Variants in RALGAPB observed in about 807,000 individuals in gnomAD.
RALGAPB encodes the protein Ral GTPase activating protein non-catalytic subunit beta.
Under a neutral mutation model 161.1 loss-of-function variants are expected in RALGAPB, and 25 were observed. That is an observed-to-expected ratio of 0.16 (90% CI 0.11 to 0.22). The LOEUF (loss-of-function observed/expected upper bound fraction) is 0.22, where lower values mean the gene tolerates loss of function less well. RALGAPB is among the 10% of genes least tolerant of loss of function. The pLI is 1.00. For missense variants in RALGAPB, 1,391 were observed against 1,815.2 expected (o/e 0.77, Z 4.25); for synonymous variants, 629 against 626.1 (o/e 1.00, Z -0.07).
intron 20 of RALGAPB, among the ~76,000 whole-genome samples, chr20:38,549,097 A>G (rs1315559774): frequency 6.6e-6 from 1 of 152,216 alleles, no homozygotes; most frequent in Non-Finnish European, 1.5e-5. Context: ...TTACAAATGT[A>G]ATAAAAGTCA....
At chr20:38,534,138 CAAAAAAAA>C (rs1293283790) in intron 15 of RALGAPB, among the ~76,000 whole-genome samples, 2 of 46,974 alleles carry the variant, frequency 4.3e-5, no homozygotes, top group Non-Finnish European at 9.4e-5. Flanking sequence ...GACTCCATCT[CAAAAAAAA>C]AAAAAAAAAA....
chr20:38,546,606 A>G, intron 19 of RALGAPB, 176 bp downstream of exon 19: 1 of 726,006 alleles, frequency 1.4e-6, no homozygotes, highest in Non-Finnish European at 2.2e-6. Flanking sequence ...GAATATACAT[A>G]TTACATAGAG....
chr20:38,541,031 C>T lies in RALGAPB; in HGVS notation c.2563-10C>T. 7 of 1,611,584 alleles carry T rather than the reference C, an allele frequency of 4.3e-6. No individual in the cohort carries two copies. Among genetic ancestry groups the T allele is most frequent in the Non-Finnish European group, 5.9e-6 (7 of 1,178,562 alleles). ...TGTTCTAAAAATTGATCTGCCTTTCCTGCTTTTAGGACTGCCTTAAGGAAG... is the reference window on the plus strand; with the variant it reads ...TGTTCTAAAAATTGATCTGCCTTTCTTGCTTTTAGGACTGCCTTAAGGAAG... On this transcript the variant is annotated splice_polypyrimidine_tract_variant and intron_variant, in intron 17 of 29. Coordinates refer to ENST00000262879, the MANE Select transcript of RALGAPB (RefSeq NM_020336.4).
chr20:38,499,762 C>T (rs1422737711), intron 5 of RALGAPB, 129 bp downstream of exon 5: 1 of 798,672 alleles, frequency 1.3e-6, no homozygotes, highest in Non-Finnish European at 1.8e-6. Context: ...AATTGAGCCA[C>T]TTTTTAAATA....
intron 10 of RALGAPB, among the ~76,000 whole-genome samples, chr20:38,524,380 A>T (rs1195506529): frequency 6.6e-6 from 1 of 152,156 alleles, no homozygotes; most frequent in Non-Finnish European, 1.5e-5. Flanking sequence ...CCCCCAGTTT[A>T]TTGAAAAGTA....
At position 38,535,151 on chromosome 20, in the gene RALGAPB, C is replaced by A; in HGVS notation, c.2323C>A (p.Arg775Ser). Reference protein sequence around the residue: ...LVTQRLNSQWRQDMSISLAAL... With the variant: ...LVTQRLNSQWSQDMSISLAAL... ...CACCCAAAGACTCAACTCCCAGTGGCGCCAAGACATGAGCATATCACTGGC... is the reference window on the plus strand; with the variant it reads ...CACCCAAAGACTCAACTCCCAGTGGAGCCAAGACATGAGCATATCACTGGC... Residue 775 changes from arginine to serine, a missense_variant, in exon 16 of 30, where the codon CGC becomes AGC. Transcript: ENST00000262879. 6 of 1,614,058 alleles carry A rather than the reference C, an allele frequency of 3.7e-6. No individual in the cohort carries two copies. Among genetic ancestry groups the A allele is most frequent in the Non-Finnish European group, 5.1e-6 (6 of 1,179,902 alleles).
chr20:38,537,857 G>C (rs780433382), intron 16 of RALGAPB: 2 of 152,198 alleles, frequency 1.3e-5, no homozygotes, highest in Non-Finnish European at 2.9e-5. Flanking sequence ...TGACTACTCT[G>C]GAGCTGAGGT....
At chr20:38,475,244 A>C (rs1484535356) in intron 1 of RALGAPB, among the ~76,000 whole-genome samples, 1 of 152,258 alleles carries the variant, frequency 6.6e-6, no homozygotes, top group Non-Finnish European at 1.5e-5. Context: ...GGTAAATACA[A>C]GCAGATGGGA....
intron 5 of RALGAPB, among the ~76,000 whole-genome samples, chr20:38,504,198 G>A (rs1157613202): frequency 6.6e-6 from 1 of 152,198 alleles, no homozygotes; most frequent in Non-Finnish European, 1.5e-5. Flanking sequence ...GAGGGCTACA[G>A]TCACCAAAAC....
intron 22 of RALGAPB, among the ~76,000 whole-genome samples, chr20:38,556,766 C>T (rs1002282287): frequency 5.3e-5 from 8 of 152,070 alleles, no homozygotes; most frequent in Non-Finnish European, 8.8e-5. Context: ...ACATTCTGAT[C>T]TACAAGGTGT....
chr20:38,483,916 C>T (rs1047597186), intron 1 of RALGAPB, among the ~76,000 whole-genome samples: 3 of 152,060 alleles, frequency 2.0e-5, no homozygotes, highest in Admixed American at 2.0e-4. Context: ...GCTGGGCAGG[C>T]GCAGTGGCTC....
intron 9 of RALGAPB, chr20:38,520,365 T>C (rs940451744): frequency 2.1e-6 from 1 of 478,822 alleles, no homozygotes; most frequent in Non-Finnish European, 2.7e-6. Flanking sequence ...CATTGTCTCT[T>C]GTAGTTTTTG....
At chr20:38,536,099 C>T (rs1472036966) in intron 16 of RALGAPB, among the ~76,000 whole-genome samples, 2 of 152,180 alleles carry the variant, frequency 1.3e-5, no homozygotes, top group African/African-American at 4.8e-5. Context: ...TTTTTATCAT[C>T]CCTAAAGGAA....
At chr20:38,515,379 G>C (rs912228751) in intron 6 of RALGAPB, among the ~76,000 whole-genome samples, 1 of 152,176 alleles carries the variant, frequency 6.6e-6, no homozygotes, top group African/African-American at 2.4e-5. Context: ...CTTGTAGCTA[G>C]TGGAAATTCT....
intron 1 of RALGAPB, among the ~76,000 whole-genome samples, chr20:38,486,346 T>C (rs966444082): frequency 7.9e-5 from 12 of 152,194 alleles, no homozygotes; most frequent in African/African-American, 2.9e-4. Context: ...TTAATACATT[T>C]AGAGAATGAA....
intron 18 of RALGAPB, among the ~76,000 whole-genome samples, chr20:38,542,460 T>C (rs1031435554): frequency 6.6e-6 from 1 of 152,098 alleles, no homozygotes; most frequent in Non-Finnish European, 1.5e-5. Flanking sequence ...TTTCGGTGAC[T>C]TGATGGAGGT....
At chr20:38,551,272 C>T in intron 21 of RALGAPB, 49 bp downstream of exon 21, 1 of 1,570,502 alleles carries the variant, frequency 6.4e-7, no homozygotes. Flanking sequence ...TAGAAACATT[C>T]TTACGACTTC....
In RALGAPB at chr20:38,573,212, C is replaced by G. The variant is rs1030546891; in HGVS notation, c.4143-938C>G. On this transcript the variant is annotated intron_variant, in intron 28 of 29. Coordinates refer to ENST00000262879, the MANE Select transcript of RALGAPB (RefSeq NM_020336.4). ...CTCTCAAGTTTTCATCTTTTTAGGT[C>G]AAAGGTTGTAATACAATTTGACAGT... Among the ~76,000 whole-genome samples, 53 of 151,722 alleles carry G rather than the reference C, an allele frequency of 3.5e-4. 3 individuals carry two copies. Among genetic ancestry groups the G allele is most frequent in the East Asian group, 3.9e-4 (2 of 5,160 alleles).
At chr20:38,513,084 T>C (rs1212668265) in intron 6 of RALGAPB, among the ~76,000 whole-genome samples, 1 of 151,946 alleles carries the variant, frequency 6.6e-6, no homozygotes, top group Non-Finnish European at 1.5e-5. Context: ...TTTAAAAATA[T>C]AGGCCAGGCA....
Sources: gnomAD v4.1 joint callset for allele counts (sites outside exome capture counted in the v4.1 genomes callset) on GRCh38, gnomAD v4.1.1 for gene constraint, MANE v1.5 for transcripts, NCBI Gene and HGNC (gene_info 2026-07-23, HGNC 2026-07-21) for gene names.